CCDC171: variants seen among roughly 807,000 people sequenced by gnomAD.
The protein encoded by CCDC171 is coiled-coil domain-containing protein 171.
CCDC171 carries 177 observed loss-of-function variants against 168.2 expected under a neutral mutation model. The ratio of observed to expected loss-of-function variants is 1.05; its 90% CI spans 0.93 to 1.19. The LOEUF (loss-of-function observed/expected upper bound fraction) is 1.19, where lower values mean the gene tolerates loss of function less well. Ranked by LOEUF, CCDC171 falls within the 50% of genes most tolerant of loss-of-function variation. The pLI, the probability that CCDC171 is intolerant of heterozygous loss-of-function variation, is 0.00. For synonymous variants in CCDC171, 687 were observed against 540.8 expected (o/e 1.27, Z -3.75); for missense variants, 1,991 against 1,539.0 (o/e 1.29, Z -4.91).
chr9:16,085,178 A>G, the CCDC171 span, among the ~76,000 whole-genome samples: 4 of 152,310 alleles, frequency 2.6e-5, no homozygotes, highest in African/African-American at 9.6e-5. Context: ...CCTCTTATCT[A>G]TCGACACTCC....
At chr9:15,613,803 G>A (rs563233995) in intron 6 of CCDC171, among the ~76,000 whole-genome samples, 15 of 152,262 alleles carry the variant, frequency 9.9e-5, no homozygotes, top group South Asian at 6.2e-4. Flanking sequence ...GATTACAGGC[G>A]TGAACCACCG....
intron 21 of CCDC171, among the ~76,000 whole-genome samples, chr9:15,840,764 C>G (rs1300483263): frequency 2.6e-5 from 4 of 151,514 alleles, no homozygotes; most frequent in Non-Finnish European, 5.9e-5. Context: ...TTGTGGTTCT[C>G]TTTACTATCC....
At chr9:15,791,086 T>G (rs1025521599) in intron 21 of CCDC171, among the ~76,000 whole-genome samples, 1 of 152,192 alleles carries the variant, frequency 6.6e-6, no homozygotes, top group Non-Finnish European at 1.5e-5. Flanking sequence ...GCGGGCTCTT[T>G]TTTGGTTCCA....
rs2039262211 is a variant in CCDC171, at chr9:15,561,056, C to G, written c.-111-2922C>G. Among the ~76,000 whole-genome samples the G allele has an allele frequency of 2.0e-5, 3 of 152,160 alleles. 1 individual carries two copies. Among genetic ancestry groups the G allele is most frequent in the Admixed American group, 6.5e-5 (1 of 15,268 alleles). On this transcript the variant is annotated intron_variant, in intron 1 of 25. Transcript: ENST00000380701. The stretch of plus-strand genomic sequence containing the variant: ...AGTTGGAAATGCAGAAATCATTCGT[C>G]TTTTGTGTCGCTCACGCTGGGAGCT...
chr9:16,015,415 T>G (rs1832985191), intron 3 of CCDC171, among the ~76,000 whole-genome samples: 1 of 152,146 alleles, frequency 6.6e-6, no homozygotes, highest in Non-Finnish European at 1.5e-5. Flanking sequence ...ACCACTAAAA[T>G]TAATGATCAT....
At chr9:16,037,445 A>G (rs1439012546) in intron 8 of CCDC171, among the ~76,000 whole-genome samples, 1 of 152,244 alleles carries the variant, frequency 6.6e-6, no homozygotes, top group African/African-American at 2.4e-5. Context: ...CTCAGCTTCC[A>G]AAATTATGAA....
At chr9:15,581,380 T>A (rs1587122682) in intron 4 of CCDC171, among the ~76,000 whole-genome samples, 1 of 152,114 alleles carries the variant, frequency 6.6e-6, no homozygotes, top group Non-Finnish European at 1.5e-5. Flanking sequence ...GATTGAATGC[T>A]GTCCCCATCA....
the CCDC171 span, among the ~76,000 whole-genome samples, chr9:16,099,331 T>C: frequency 6.6e-6 from 1 of 152,114 alleles, no homozygotes; most frequent in Non-Finnish European, 1.5e-5. Flanking sequence ...AGAGGAAAAG[T>C]GGCAGAGGAG....
intron 24 of CCDC171, among the ~76,000 whole-genome samples, chr9:15,909,401 TACACACACAC>T (rs57910855): frequency 2.1e-5 from 3 of 140,884 alleles, no homozygotes; most frequent in East Asian, 2.0e-4. Flanking sequence ...TACATGTGCG[TACACACACAC>T]ACACACACAC....
chr9:15,847,060 C>T (rs1052440586), intron 22 of CCDC171, among the ~76,000 whole-genome samples: 7 of 152,022 alleles, frequency 4.6e-5, no homozygotes, highest in Admixed American at 2.0e-4. Flanking sequence ...GTATAAGCTT[C>T]TATGTAACCT....
intron 4 of CCDC171, among the ~76,000 whole-genome samples, chr9:15,580,528 A>C (rs958546834): frequency 1.3e-5 from 2 of 152,188 alleles, no homozygotes; most frequent in African/African-American, 4.8e-5. Flanking sequence ...AACTCAAATC[A>C]GCAAGAAAAA....
At chr9:15,903,643 G>A (rs1822053223) in intron 24 of CCDC171, among the ~76,000 whole-genome samples, 1 of 152,210 alleles carries the variant, frequency 6.6e-6, no homozygotes, top group South Asian at 2.1e-4. Flanking sequence ...AAGGAACTCG[G>A]CTCCTCACCA....
chr9:15,625,043 G>C (rs2044938268), intron 7 of CCDC171, among the ~76,000 whole-genome samples: 1 of 152,160 alleles, frequency 6.6e-6, no homozygotes, highest in African/African-American at 2.4e-5. Flanking sequence ...TTGTGGTTTT[G>C]ATTTGCATTT....
At chr9:15,679,452 T>G (rs1240994306) in intron 10 of CCDC171, among the ~76,000 whole-genome samples, 3 of 152,176 alleles carry the variant, frequency 2.0e-5, no homozygotes, top group Admixed American at 2.0e-4. Context: ...ACCTTTTCCT[T>G]TTGTCTTCAT....
chr9:15,812,280 T>G (rs980833007), intron 21 of CCDC171, among the ~76,000 whole-genome samples: 1 of 152,200 alleles, frequency 6.6e-6, no homozygotes, highest in Non-Finnish European at 1.5e-5. Context: ...TAAGTTCAAG[T>G]TCACATGCTA....
chr9:15,792,826 C>G (rs890302059), intron 21 of CCDC171, among the ~76,000 whole-genome samples: 11 of 152,166 alleles, frequency 7.2e-5, no homozygotes, highest in Admixed American at 2.0e-4. Context: ...GAAGGAAGCA[C>G]TAAACATGGA....
At chr9:15,598,106 G>A (rs937906115) in intron 6 of CCDC171, among the ~76,000 whole-genome samples, 2 of 152,016 alleles carry the variant, frequency 1.3e-5, no homozygotes, top group African/African-American at 2.4e-5. Flanking sequence ...CCACCTCCTG[G>A]ATTCATTGAT....
chr9:15,625,766 G>C (rs977829753), intron 7 of CCDC171, among the ~76,000 whole-genome samples: 1 of 152,150 alleles, frequency 6.6e-6, no homozygotes, highest in Admixed American at 6.5e-5. Context: ...CTCCAGCTTT[G>C]TTCTTTTTGC....
intron 21 of CCDC171, among the ~76,000 whole-genome samples, chr9:15,814,448 T>C (rs1356136810): frequency 6.6e-6 from 1 of 152,202 alleles, no homozygotes; most frequent in East Asian, 1.9e-4. Context: ...TGTGAATTTT[T>C]AGCAAACAAT....
Sources: allele counts gnomAD v4.1 joint callset (sites outside exome capture counted in the v4.1 genomes callset), GRCh38; gene constraint gnomAD v4.1.1; transcripts MANE v1.5; gene names NCBI Gene and HGNC (gene_info 2026-07-23, HGNC 2026-07-21).